The following FOCAD variants were observed in gnomAD, a reference collection of about 807,000 sequenced individuals.
FOCAD encodes the protein focadhesin, also known as KIAA1797.
In FOCAD, 198 loss-of-function variants were observed where a neutral mutation model predicts 225.6. The ratio of observed to expected loss-of-function variants is 0.88; its 90% CI spans 0.78 to 0.99. The LOEUF (loss-of-function observed/expected upper bound fraction) is 0.99, where lower values mean the gene tolerates loss of function less well. Among genes scored for constraint, FOCAD ranks in the 50% least tolerant of loss-of-function variants. FOCAD has a pLI of 0.00. For missense variants in FOCAD, 2,713 were observed against 2,123.6 expected (o/e 1.28, Z -5.46); for synonymous variants, 897 against 755.0 (o/e 1.19, Z -3.08).
At chr9:20,953,311 T>C (rs1837851574) in intron 35 of FOCAD, among the ~76,000 whole-genome samples, 1 of 152,206 alleles carries the variant, frequency 6.6e-6, no homozygotes, top group Non-Finnish European at 1.5e-5. Flanking sequence ...TCTGTGAAAA[T>C]CTTAATCTCC....
intron 11 of FOCAD, among the ~76,000 whole-genome samples, chr9:20,814,346 CTTTT>C (rs1564023268): frequency 6.6e-6 from 1 of 150,686 alleles, no homozygotes; most frequent in Non-Finnish European, 1.5e-5. Context: ...ATTTTCTTTT[CTTTT>C]TTCTTTTTTT....
chr9:20,989,407 A>G (rs1349989269), intron 41 of FOCAD, among the ~76,000 whole-genome samples: 2 of 152,224 alleles, frequency 1.3e-5, no homozygotes, highest in East Asian at 3.8e-4. Context: ...AAGCAGAAAG[A>G]AGTGTAGTTT....
chr9:20,944,498 A>G lies in FOCAD; in HGVS notation c.3408-129A>G. 5 of 956,066 alleles carry G rather than the reference A, an allele frequency of 5.2e-6. No homozygotes were observed. In the South Asian group the frequency reaches 8.6e-5, roughly 16 times the overall value. 59.2% of individuals were successfully genotyped at this position (956,066 alleles called of 1,614,324 possible). A position where few individuals can be genotyped will look rare whatever the true frequency, so the allele number is the denominator to read the frequency against. ...TCATGGATGATGGGGCACACCATCT[A>G]CTAGGCAGCAGAATTTGAATCCAGC... is the stretch of plus-strand genomic sequence containing the variant. On this transcript the variant is annotated intron_variant, in intron 28 of 43. Coordinates refer to ENST00000338382, the MANE Select transcript of FOCAD (RefSeq NM_001375567.1).
chr9:20,795,616 C>G (rs1052692233), intron 11 of FOCAD, among the ~76,000 whole-genome samples: 20 of 151,802 alleles, frequency 1.3e-4, no homozygotes, highest in Non-Finnish European at 2.9e-5. Flanking sequence ...AACCCCGTCT[C>G]TACTAAAAAT....
chr9:20,827,380 A>G (rs912865925), intron 15 of FOCAD, among the ~76,000 whole-genome samples: 1 of 152,066 alleles, frequency 6.6e-6, no homozygotes, highest in East Asian at 1.9e-4. Flanking sequence ...TCAGTACTGT[A>G]TTTCTTTTTA....
intron 11 of FOCAD, among the ~76,000 whole-genome samples, chr9:20,800,629 G>T (rs958186785): frequency 3.3e-5 from 5 of 152,070 alleles, no homozygotes; most frequent in Admixed American, 6.5e-5. Flanking sequence ...CTTTCTTCCA[G>T]TTGATCGAAT....
intron 15 of FOCAD, among the ~76,000 whole-genome samples, chr9:20,854,362 A>G (rs1827956742): frequency 6.6e-6 from 1 of 151,776 alleles, no homozygotes; most frequent in African/African-American, 2.4e-5. Flanking sequence ...GTAGGTGTAC[A>G]GTTGTCTCCA....
rs13285539 is a variant in FOCAD, at chr9:20,737,283, A to G, written c.288-2953A>G. On this transcript the variant is annotated intron_variant, in intron 4 of 43. Coordinates refer to ENST00000338382, the MANE Select transcript of FOCAD (RefSeq NM_001375567.1). ...TTCTCTTGGATTCCACTGCTTTCAT[A>G]AAAAGGTAGGACACCATAAAAACCA... Among the ~76,000 whole-genome samples, 1,222 of 152,370 alleles carry G rather than the reference A, an allele frequency of 8.0e-3. 5 individuals are homozygous for G. Among genetic ancestry groups the G allele is most frequent in the Non-Finnish European group, 0.013 (884 of 68,028 alleles).
At position 20,797,416 on chromosome 9, in the gene FOCAD, C is replaced by A. The variant is rs557599635; in HGVS notation, c.1455+7808C>A. Among the ~76,000 whole-genome samples the A allele has an allele frequency of 8.4e-4, 128 of 152,104 alleles. 2 individuals carry two copies. The highest frequency in any genetic ancestry group is 4.4e-4 in the Non-Finnish European group (30 of 68,026). On this transcript the variant is annotated intron_variant, in intron 11 of 43. Transcript: ENST00000338382. The stretch of plus-strand genomic sequence containing the variant: ...TATAAATTACCTTGGGCAGTATGGC[C>A]ATTTTCACGATATTGATTCTTCCTA...
intron 39 of FOCAD, among the ~76,000 whole-genome samples, chr9:20,983,486 C>T (rs895246770): frequency 1.3e-5 from 2 of 150,842 alleles, no homozygotes; most frequent in Non-Finnish European, 2.9e-5. Flanking sequence ...GCAGGAGAAT[C>T]GCTTGAACCC....
At chr9:20,732,558 G>C (rs1826801621) in intron 4 of FOCAD, among the ~76,000 whole-genome samples, 1 of 152,122 alleles carries the variant, frequency 6.6e-6, no homozygotes, top group Non-Finnish European at 1.5e-5. Context: ...TTGATGATTT[G>C]GGTCTTTATC....
chr9:20,665,982 C>T (rs2131267411), intron 2 of FOCAD, among the ~76,000 whole-genome samples: 1 of 152,190 alleles, frequency 6.6e-6, no homozygotes, highest in East Asian at 1.9e-4. Context: ...GCAACCTCCG[C>T]CTTCCAGGTT....
At chr9:20,887,718 G>T (rs999998379) in intron 21 of FOCAD, among the ~76,000 whole-genome samples, 1 of 152,168 alleles carries the variant, frequency 6.6e-6, no homozygotes, top group Non-Finnish European at 1.5e-5. Flanking sequence ...GAGTGAGAGT[G>T]CAACGTCATG....
intron 35 of FOCAD, among the ~76,000 whole-genome samples, chr9:20,960,842 T>G (rs1325517562): frequency 6.6e-6 from 1 of 151,170 alleles, no homozygotes; most frequent in Non-Finnish European, 1.5e-5. Flanking sequence ...GAACATGTGG[T>G]GTTTGGTTTT....
At chr9:20,831,232 C>T (rs1370353018) in intron 15 of FOCAD, among the ~76,000 whole-genome samples, 2 of 151,980 alleles carry the variant, frequency 1.3e-5, no homozygotes, top group South Asian at 2.1e-4. Context: ...GAATGGTTGG[C>T]AGCCTTTCAG....
intron 22 of FOCAD, among the ~76,000 whole-genome samples, chr9:20,911,129 T>G (rs529286989): frequency 2.4e-4 from 37 of 152,266 alleles, no homozygotes; most frequent in African/African-American, 8.4e-4. Flanking sequence ...TGTTTTATAC[T>G]TTGTTTTGCC....
chr9:20,971,649 C>G (rs1839777707), intron 35 of FOCAD, among the ~76,000 whole-genome samples: 1 of 152,006 alleles, frequency 6.6e-6, no homozygotes. Flanking sequence ...TTTCTCCATT[C>G]AATAGTGTTA....
At chr9:20,949,471 T>C (rs971180660) in intron 32 of FOCAD, 133 bp from the exon 33 acceptor site, 5 of 677,838 alleles carry the variant, frequency 7.4e-6, no homozygotes, top group African/African-American at 1.8e-5. Context: ...TCATAGCTTA[T>C]GTATTTGAAA....
At chr9:20,733,695 G>A (rs757478677) in intron 4 of FOCAD, among the ~76,000 whole-genome samples, 1 of 152,110 alleles carries the variant, frequency 6.6e-6, no homozygotes, top group Non-Finnish European at 1.5e-5. Flanking sequence ...TTTTTCATTT[G>A]TGTTCAGGAA....
Sources: allele counts gnomAD v4.1 joint callset (sites outside exome capture counted in the v4.1 genomes callset), GRCh38; gene constraint gnomAD v4.1.1; transcripts MANE v1.5; gene names NCBI Gene and HGNC (gene_info 2026-07-23, HGNC 2026-07-21).